Variants in NIPBL observed in about 807,000 individuals in gnomAD.
The protein encoded by NIPBL is NIPBL cohesin loading factor, also known as nipped-B-like protein.
NIPBL carries 19 observed loss-of-function variants against 321.8 expected under a neutral mutation model. The ratio of observed to expected loss-of-function variants is 0.06; its 90% CI spans 0.04 to 0.09. The LOEUF (loss-of-function observed/expected upper bound fraction) is 0.09, where lower values mean the gene tolerates loss of function less well. Among genes scored for constraint, NIPBL ranks in the 10% least tolerant of loss-of-function variants. The pLI is 1.00. For synonymous variants in NIPBL, 1,106 were observed against 1,114.1 expected (o/e 0.99, Z 0.14); for missense variants, 2,210 against 3,327.0 (o/e 0.66, Z 8.26).
chr5:37,022,613 G>A (rs1451662128), intron 29 of NIPBL, among the ~76,000 whole-genome samples: 1 of 152,040 alleles, frequency 6.6e-6, no homozygotes, highest in African/African-American at 2.4e-5. Context: ...CCTTTTTTCA[G>A]TTGCTGTTTC....
At chr5:36,992,442 T>C (rs1043775295) in intron 10 of NIPBL, among the ~76,000 whole-genome samples, 3 of 152,202 alleles carry the variant, frequency 2.0e-5, no homozygotes, top group Admixed American at 2.0e-4. Flanking sequence ...CATAACCAAT[T>C]ATGTCATACA....
At chr5:37,025,590 G>T (rs1750171232) in intron 30 of NIPBL, among the ~76,000 whole-genome samples, 1 of 152,092 alleles carries the variant, frequency 6.6e-6, no homozygotes, top group Non-Finnish European at 1.5e-5. Flanking sequence ...AAAATTTAGT[G>T]TTCAGTAGCA....
chr5:36,907,929 A>G (rs551447421), intron 1 of NIPBL, among the ~76,000 whole-genome samples: 36 of 152,334 alleles, frequency 2.4e-4, no homozygotes, highest in South Asian at 6.2e-4. Flanking sequence ...TAAAATAGTA[A>G]ACAGCTTTAC....
Position 37,043,542 on chromosome 5 carries a change from CAATTAAAA to C in NIPBL, c.6109-798_6109-791del, listed in dbSNP as rs139322557. Among the ~76,000 whole-genome samples, 1,089 of 150,152 alleles carry C rather than the reference CAATTAAAA, an allele frequency of 7.3e-3. 5 individuals carry two copies. The highest frequency in any genetic ancestry group is 0.011 in the Non-Finnish European group (717 of 67,504). ...ACTCTGTCTCAAAAAAAAAAAAAGA[CAATTAAAA>C]AATTAACCGGGTGTGGTATTATGCG... On this transcript the variant is annotated intron_variant, in intron 34 of 46. Coordinates refer to ENST00000282516, the MANE Select transcript of NIPBL (RefSeq NM_133433.4).
intron 1 of NIPBL, among the ~76,000 whole-genome samples, chr5:36,934,642 A>G (rs778265307): frequency 3.9e-5 from 6 of 152,210 alleles, no homozygotes; most frequent in Non-Finnish European, 8.8e-5. Flanking sequence ...TTTGAGCACT[A>G]ACATTTTAAG....
chr5:37,002,513 A>G, intron 14 of NIPBL, 149 bp from the exon 15 acceptor site: 2 of 639,738 alleles, frequency 3.1e-6, no homozygotes, highest in Non-Finnish European at 5.6e-6. Flanking sequence ...TTTTTCATTC[A>G]GGGTTTACTT....
intron 1 of NIPBL, among the ~76,000 whole-genome samples, chr5:36,889,100 C>CAT (rs1254219872): frequency 1.3e-5 from 2 of 151,988 alleles, no homozygotes; most frequent in Admixed American, 1.3e-4. Flanking sequence ...AGTTTGGGGA[C>CAT]ATAGGACTAA....
At position 36,966,231 on chromosome 5, in the gene NIPBL, A is replaced by G. The variant is rs1279106689; in HGVS notation, c.610+3957A>G. Among the ~76,000 whole-genome samples, 4 of 152,184 alleles carry G rather than the reference A, an allele frequency of 2.6e-5. No homozygotes were observed. In the South Asian group the frequency reaches 8.3e-4, roughly 32 times the overall value. ...ATGGAGGCTCTTTTAATCTAAAGCA[A>G]TCTTACACCTTTTTCACCCCATGAC... On this transcript the variant is annotated intron_variant, in intron 6 of 46. Coordinates refer to ENST00000282516, the MANE Select transcript of NIPBL (RefSeq NM_133433.4).
At position 36,972,170 on chromosome 5, in the gene NIPBL, C is replaced by A. The variant is rs566005878; in HGVS notation, c.868+129C>A. On this transcript the variant is annotated intron_variant, in intron 8 of 46. Coordinates refer to ENST00000282516, the MANE Select transcript of NIPBL (RefSeq NM_133433.4). ...TTTTCATTGTAGAAAAAAAAATAAA[C>A]CTGTACAAGCAGGTCTGGATCATGG... 66 of 664,332 alleles carry A rather than the reference C, an allele frequency of 9.9e-5. No individual in the cohort carries two copies. The African/African-American group carries it at 1.1e-3, about 11-fold the overall frequency. The allele number at this position is 664,332 out of a possible 1,614,324, so 41.2% of individuals were successfully genotyped here. A position where few individuals can be genotyped will look rare whatever the true frequency, so the allele number is the denominator to read the frequency against.
chr5:36,904,246 T>C (rs1747454615), intron 1 of NIPBL, among the ~76,000 whole-genome samples: 1 of 152,220 alleles, frequency 6.6e-6, no homozygotes, highest in South Asian at 2.1e-4. Context: ...CGAGTTGGGC[T>C]GATCACAAGG....
intron 16 of NIPBL, among the ~76,000 whole-genome samples, chr5:37,004,646 A>G (rs1044697264): frequency 3.3e-5 from 5 of 152,128 alleles, no homozygotes; most frequent in African/African-American, 7.2e-5. Flanking sequence ...GCAACAAACA[A>G]TCCTCCTGCC....
rs202064847 is a variant in NIPBL, at chr5:37,006,591, T to C, written c.4087+3T>C. ...TTACAGATTAGATCCTCATGGAGGT[T>C]AGTTCGTATAATATCAAAATTATTG... On this transcript the variant is annotated splice_donor_region_variant and intron_variant, in intron 17 of 46. Transcript: ENST00000282516. 6.0e-5 allele frequency: 94 copies of C among 1,567,304 alleles called. No homozygotes were observed. The highest frequency in any genetic ancestry group is 7.8e-5 in the Non-Finnish European group (89 of 1,140,644).
At chr5:37,058,639 T>G (rs1754347175) in intron 43 of NIPBL, among the ~76,000 whole-genome samples, 1 of 152,204 alleles carries the variant, frequency 6.6e-6, no homozygotes, top group Non-Finnish European at 1.5e-5. Flanking sequence ...AAGAAAATTG[T>G]TTCCCTTTGA....
At chr5:36,882,954 C>T (rs1259993701) in intron 1 of NIPBL, among the ~76,000 whole-genome samples, 1 of 150,904 alleles carries the variant, frequency 6.6e-6, no homozygotes, top group Non-Finnish European at 1.5e-5. Flanking sequence ...TTCAAATATG[C>T]ATATAAATAG....
chr5:36,908,805 CT>C (rs1402909884), intron 1 of NIPBL, among the ~76,000 whole-genome samples: 1 of 152,152 alleles, frequency 6.6e-6, no homozygotes, highest in Non-Finnish European at 1.5e-5. Context: ...TAAGCAGAGA[CT>C]TTCAGAAGTA....
In NIPBL at chr5:36,968,095, C is replaced by CAAAAAA. The variant is rs1194609840; in HGVS notation, c.611-2770_611-2765dup. Among the ~76,000 whole-genome samples the CAAAAAA allele has an allele frequency of 1.9e-3, 103 of 53,306 alleles. 1 individual carries two copies. The highest frequency in any genetic ancestry group is 2.5e-3 in the African/African-American group (33 of 12,942). The allele number at this position is 53,306 out of a possible 152,430, so 35.0% of individuals were successfully genotyped here. ...TGGACAACAGAGTGAGACTCTGTCTCAAAAAAAAAAAAAAAACAAAAAACA... is the reference window on the plus strand; with the variant it reads ...TGGACAACAGAGTGAGACTCTGTCTCAAAAAAAAAAAAAAAAAAAAAACAAAAAACA... On this transcript the variant is annotated intron_variant, in intron 6 of 46. Transcript: ENST00000282516.
intron 6 of NIPBL, among the ~76,000 whole-genome samples, chr5:36,969,686 G>A (rs539972347): frequency 4.6e-5 from 7 of 152,248 alleles, no homozygotes; most frequent in Non-Finnish European, 1.0e-4. Flanking sequence ...TTGTGTAAAG[G>A]AGGGGATCTG....
In NIPBL at chr5:36,895,920, T is replaced by C. The variant is rs1406638866; in HGVS notation, c.-80+18742T>C. Among the ~76,000 whole-genome samples, 3 of 152,364 alleles carry C rather than the reference T, an allele frequency of 2.0e-5. No individual in the cohort carries two copies. The East Asian group carries it at 5.8e-4, about 29-fold the overall frequency. On this transcript the variant is annotated intron_variant, in intron 1 of 46. Coordinates refer to ENST00000282516, the MANE Select transcript of NIPBL (RefSeq NM_133433.4). ...CATTCTGTGGATTGTCTTTTCACTT[T>C]CTTGATAGTGTCCTTTGAAGCACAT...
chr5:36,901,098 C>T (rs1158843329), intron 1 of NIPBL, among the ~76,000 whole-genome samples: 1 of 152,196 alleles, frequency 6.6e-6, no homozygotes, highest in East Asian at 1.9e-4. Context: ...CTCCACCCTT[C>T]TCCCACCCTC....
Sources: allele counts gnomAD v4.1 joint callset (sites outside exome capture counted in the v4.1 genomes callset), GRCh38; gene constraint gnomAD v4.1.1; transcripts MANE v1.5; gene names NCBI Gene and HGNC (gene_info 2026-07-23, HGNC 2026-07-21).